The following NRG1 variants were observed in gnomAD, a reference collection of about 807,000 sequenced individuals.
NRG1 encodes the protein neuregulin 1.
A neutral mutation model predicts 63.8 loss-of-function variants in NRG1; 18 were observed. That is an observed-to-expected ratio of 0.28 (90% CI 0.19 to 0.42). The LOEUF (loss-of-function observed/expected upper bound fraction) is 0.42, where lower values mean the gene tolerates loss of function less well. NRG1 is among the 10% of genes least tolerant of loss of function. NRG1 has a pLI of 1.00. For missense variants in NRG1, 762 were observed against 814.7 expected, an observed-to-expected ratio of 0.94 and a Z score of 0.79; for synonymous variants, 302 against 301.3, an observed-to-expected ratio of 1.00 and a Z score of -0.02.
intron 5 of NRG1, among the ~76,000 whole-genome samples, chr8:32,704,511 A>G (rs1328157948): frequency 1.3e-5 from 2 of 152,236 alleles, no homozygotes; most frequent in East Asian, 3.8e-4. Context: ...ATATTTTATA[A>G]TGGAACAACC....
intron 1 of NRG1, among the ~76,000 whole-genome samples, chr8:32,454,007 T>C (rs998267988): frequency 1.3e-5 from 2 of 152,214 alleles, no homozygotes; most frequent in African/African-American, 4.8e-5. Flanking sequence ...GTATATTCAA[T>C]TGCCTGGGTA....
chr8:31,811,756 G>A (rs1024060882), intron 1 of NRG1, among the ~76,000 whole-genome samples: 1 of 152,044 alleles, frequency 6.6e-6, no homozygotes, highest in Non-Finnish European at 1.5e-5. Context: ...GTTTGAGGGT[G>A]GAAAAGTTTA....
At chr8:32,674,044 G>A (rs1331863463) in intron 5 of NRG1, among the ~76,000 whole-genome samples, 1 of 152,010 alleles carries the variant, frequency 6.6e-6, no homozygotes, top group African/African-American at 2.4e-5. Flanking sequence ...CTAATATACA[G>A]GACAAAAGTT....
intron 1 of NRG1, among the ~76,000 whole-genome samples, chr8:32,291,734 G>A (rs1284938960): frequency 6.6e-6 from 1 of 151,724 alleles, no homozygotes; most frequent in African/African-American, 2.4e-5. Context: ...TAGTAGAAAT[G>A]GGGTTTCACC....
At chr8:31,729,995 A>G (rs1420033036) in intron 1 of NRG1, among the ~76,000 whole-genome samples, 1 of 152,156 alleles carries the variant, frequency 6.6e-6, no homozygotes, top group Non-Finnish European at 1.5e-5. Context: ...AGTATAGGGT[A>G]ATCAAGAACT....
chr8:32,344,419 ATGTG>A (rs397956518), intron 1 of NRG1, among the ~76,000 whole-genome samples: 904 of 57,428 alleles, frequency 0.016, 49 homozygotes, highest in Middle Eastern at 0.033. Flanking sequence ...GCGTGCATGC[ATGTG>A]TGTGTGTGTG....
intron 1 of NRG1, among the ~76,000 whole-genome samples, chr8:31,842,971 A>C (rs778526654): frequency 6.6e-6 from 1 of 152,160 alleles, no homozygotes; most frequent in Non-Finnish European, 1.5e-5. Context: ...TGAAGATAGA[A>C]AATTGTCTGT....
chr8:31,659,995 C>T (rs1233761522), intron 1 of NRG1, among the ~76,000 whole-genome samples: 2 of 152,140 alleles, frequency 1.3e-5, no homozygotes, highest in Non-Finnish European at 2.9e-5. Flanking sequence ...ACAGATGAAA[C>T]TGTCTCAGAG....
intron 1 of NRG1, among the ~76,000 whole-genome samples, chr8:32,537,657 T>C (rs561250344): frequency 6.6e-6 from 1 of 152,292 alleles, no homozygotes; most frequent in East Asian, 1.9e-4. Flanking sequence ...TCTTAGTGCC[T>C]ATGCAGGCTG....
chr8:32,395,811 C>G (rs1812368967), intron 1 of NRG1, among the ~76,000 whole-genome samples: 1 of 152,014 alleles, frequency 6.6e-6, no homozygotes, highest in Non-Finnish European at 1.5e-5. Context: ...TTTGCCCAAA[C>G]AAGATAACAA....
At chr8:32,591,553 A>G (rs1489028703) in intron 1 of NRG1, among the ~76,000 whole-genome samples, 4 of 152,126 alleles carry the variant, frequency 2.6e-5, no homozygotes, top group African/African-American at 9.7e-5. Context: ...CCTTCCATCA[A>G]AAGACCATAG....
intron 1 of NRG1, among the ~76,000 whole-genome samples, chr8:32,028,428 GAA>G (rs1307711704): frequency 6.6e-6 from 1 of 152,166 alleles, no homozygotes; most frequent in African/African-American, 2.4e-5. Context: ...AAATATTAAA[GAA>G]CTGAATGATG....
chr8:31,789,787 T>C (rs1240019256), intron 1 of NRG1, among the ~76,000 whole-genome samples: 1 of 152,184 alleles, frequency 6.6e-6, no homozygotes, highest in African/African-American at 2.4e-5. Flanking sequence ...AAGAATATGA[T>C]CACTTAATGA....
At chr8:32,584,191 C>T (rs1415052383) in intron 1 of NRG1, among the ~76,000 whole-genome samples, 1 of 152,152 alleles carries the variant, frequency 6.6e-6, no homozygotes, top group Non-Finnish European at 1.5e-5. Context: ...ATAGTGGCCA[C>T]AGAATGTAGT....
At chr8:32,603,723 C>T (rs111747105) in intron 2 of NRG1, among the ~76,000 whole-genome samples, 1,639 of 152,300 alleles carry the variant, frequency 0.011, 11 homozygotes, top group Middle Eastern at 0.048. Flanking sequence ...GATCTGTCTT[C>T]CTCGGCCTCC....
intron 5 of NRG1, among the ~76,000 whole-genome samples, chr8:32,706,299 T>A (rs1343595068): frequency 3.3e-5 from 5 of 152,208 alleles, no homozygotes; most frequent in Non-Finnish European, 7.3e-5. Flanking sequence ...GGCATAGATA[T>A]ATTAGAATAC....
chr8:32,566,363 A>C, intron 1 of NRG1, among the ~76,000 whole-genome samples: 1 of 148,626 alleles, frequency 6.7e-6, no homozygotes, highest in South Asian at 2.2e-4. Flanking sequence ...AAAAAAAGAC[A>C]GCATGTCTTT....
intron 1 of NRG1, among the ~76,000 whole-genome samples, chr8:32,154,397 T>C (rs1303382188): frequency 1.3e-5 from 2 of 151,578 alleles, no homozygotes; most frequent in Non-Finnish European, 2.9e-5. Context: ...CTTCCTGCCT[T>C]CCTCCCTTCC....
At chr8:32,388,421 C>G (rs1336297838) in intron 1 of NRG1, among the ~76,000 whole-genome samples, 1 of 152,248 alleles carries the variant, frequency 6.6e-6, no homozygotes, top group South Asian at 2.1e-4. Flanking sequence ...ATTCTCGAAA[C>G]CTGGAACTAT....
Sources: gnomAD v4.1 joint callset for allele counts (sites outside exome capture counted in the v4.1 genomes callset) on GRCh38, gnomAD v4.1.1 for gene constraint, MANE v1.5 for transcripts, NCBI Gene and HGNC (gene_info 2026-07-23, HGNC 2026-07-21) for gene names.